Variants in RNF144B observed in about 807,000 individuals in gnomAD.
RNF144B encodes the protein E3 ubiquitin-protein ligase RNF144B.
Under a neutral mutation model 40.2 loss-of-function variants are expected in RNF144B, and 25 were observed. That is an observed-to-expected ratio of 0.62 (90% CI 0.45 to 0.87). The LOEUF (loss-of-function observed/expected upper bound fraction) is 0.87, where lower values mean the gene tolerates loss of function less well. Ranked by LOEUF, RNF144B falls within the 40% of genes least tolerant of loss-of-function variation. The pLI, the probability that RNF144B is intolerant of heterozygous loss-of-function variation, is 0.00. For synonymous variants in RNF144B, 145 were observed against 136.3 expected (o/e 1.06, Z -0.44); for missense variants, 365 against 373.7 (o/e 0.98, Z 0.19).
chr6:18,411,002 T>G (rs1476710780), intron 2 of RNF144B, among the ~76,000 whole-genome samples: 1 of 151,874 alleles, frequency 6.6e-6, no homozygotes, highest in Non-Finnish European at 1.5e-5. Flanking sequence ...TTCTTTTTTT[T>G]TGAGACGGAG....
In RNF144B at chr6:18,467,826, A is replaced by C. The variant is rs1759605685; in HGVS notation, c.*2759A>C. 1 of 152,148 alleles carries C rather than the reference A, an allele frequency of 6.6e-6. No individual in the cohort carries two copies. Among genetic ancestry groups the C allele is most frequent in the African/African-American group, 2.4e-5 (1 of 41,352 alleles). The allele number at this position is 152,148 out of a possible 1,614,324, so 9.4% of individuals were successfully genotyped here. ...TGGCTAAGTTTTGTATTTTTTGTAG[A>C]GATGGGGTTTCTCTGTGTTGCCCAG... On this transcript the variant is annotated 3_prime_UTR_variant, in exon 8 of 8. Coordinates refer to ENST00000259939, the MANE Select transcript of RNF144B (RefSeq NM_182757.4).
chr6:18,391,799 C>T lies in RNF144B; in HGVS notation c.-37+4169C>T, dbSNP rs539655371. On this transcript the variant is annotated intron_variant, in intron 1 of 7. Coordinates refer to ENST00000259939, the MANE Select transcript of RNF144B (RefSeq NM_182757.4). ...AGGAGGATGGCGTGAACCCAGGAGG[C>T]GGAGCTTGCAGTGAGCCGAGATCGG... Among the ~76,000 whole-genome samples the T allele has an allele frequency of 6.0e-5, 9 of 151,224 alleles. 1 individual carries two copies. The highest frequency in any genetic ancestry group is 2.6e-4 in the Admixed American group (4 of 15,196).
At position 18,390,706 on chromosome 6, in the gene RNF144B, G is replaced by A. The variant is rs1054507123; in HGVS notation, c.-37+3076G>A. On this transcript the variant is annotated intron_variant, in intron 1 of 7. Coordinates refer to ENST00000259939, the MANE Select transcript of RNF144B (RefSeq NM_182757.4). ...TTGGGAAGATAAAACAAGACAACTCGTTTCTGTCTGTTGAACTTGTGGCTG... is the reference window on the plus strand; with the variant it reads ...TTGGGAAGATAAAACAAGACAACTCATTTCTGTCTGTTGAACTTGTGGCTG... Among the ~76,000 whole-genome samples, 4 of 152,142 alleles carry A rather than the reference G, an allele frequency of 2.6e-5. No individual in the cohort carries two copies. The South Asian group carries it at 6.2e-4, about 24-fold the overall frequency.
In RNF144B at chr6:18,414,218, C is replaced by T. The variant is rs545084221; in HGVS notation, c.166-13363C>T. On this transcript the variant is annotated intron_variant, in intron 2 of 7. Coordinates refer to ENST00000259939, the MANE Select transcript of RNF144B (RefSeq NM_182757.4). This position sits in a 1 kb window ranked among gnomAD's most constrained non-coding sequence, Gnocchi z 4.9. ...TTCTAATAACCAACCTAGTCATTGT[C>T]CAACCTTTTCTACTTTTTCAGAGTT... Among the ~76,000 whole-genome samples, 6 of 152,220 alleles carry T rather than the reference C, an allele frequency of 3.9e-5. No homozygotes were observed. The highest frequency in any genetic ancestry group is 7.4e-5 in the Non-Finnish European group (5 of 68,006).
intron 2 of RNF144B, among the ~76,000 whole-genome samples, chr6:18,421,885 G>T (rs769704046): frequency 6.6e-6 from 1 of 152,042 alleles, no homozygotes; most frequent in Non-Finnish European, 1.5e-5. Context: ...TCAAACCAAG[G>T]TCTCTTTTAA....
At chr6:18,429,720 C>A (rs1311044942) in intron 3 of RNF144B, among the ~76,000 whole-genome samples, 1 of 152,072 alleles carries the variant, frequency 6.6e-6, no homozygotes, top group Non-Finnish European at 1.5e-5. Flanking sequence ...TAAAATGAGT[C>A]TTGGGTATTT....
rs1288131772 is a variant in RNF144B, at chr6:18,458,094, C to G, written c.536+735C>G. Among the ~76,000 whole-genome samples, 1 of 152,062 alleles carries G rather than the reference C, an allele frequency of 6.6e-6. No individual in the cohort carries two copies. Among genetic ancestry groups the G allele is most frequent in the Non-Finnish European group, 1.5e-5 (1 of 68,014 alleles). On this transcript the variant is annotated intron_variant, in intron 5 of 7. Transcript: ENST00000259939. This position sits in a 1 kb window ranked among gnomAD's most constrained non-coding sequence, Gnocchi z 4.8. ...CTGGGATTGCAGGCACTTGCCACCA[C>G]GCCTGGCTAATTTTTCTATTTTTAG... is the stretch of plus-strand genomic sequence containing the variant.
Position 18,419,762 on chromosome 6 carries a change from T to G in RNF144B, c.166-7819T>G, listed in dbSNP as rs985111634. Among the ~76,000 whole-genome samples, 7 of 151,966 alleles carry G rather than the reference T, an allele frequency of 4.6e-5. No individual in the cohort carries two copies. Among genetic ancestry groups the G allele is most frequent in the Admixed American group, 4.6e-4 (7 of 15,246 alleles). On this transcript the variant is annotated intron_variant, in intron 2 of 7. Transcript: ENST00000259939. The surrounding 1 kb of genome is among the most constrained non-coding windows in gnomAD (Gnocchi z 4.6). ...GACAACTCTTTCAAACATTTGATTGTGAAGAGTTGAGGAGTGAAGAAGGCA... is the reference window on the plus strand; with the variant it reads ...GACAACTCTTTCAAACATTTGATTGGGAAGAGTTGAGGAGTGAAGAAGGCA...
chr6:18,455,314 C>T (rs1007432283), intron 4 of RNF144B, among the ~76,000 whole-genome samples: 4 of 152,068 alleles, frequency 2.6e-5, no homozygotes, highest in Admixed American at 1.3e-4. Flanking sequence ...CTAGATAAGA[C>T]CATATATTTA....
At chr6:18,387,713 C>G (rs1465064731) in intron 1 of RNF144B, 83 bp downstream of exon 1, 1 of 1,145,290 alleles carries the variant, frequency 8.7e-7, no homozygotes, top group Admixed American at 2.8e-5. Flanking sequence ...GGACAGGAAA[C>G]TCACTGTGAC....
intron 3 of RNF144B, among the ~76,000 whole-genome samples, chr6:18,435,958 C>T (rs919795192): frequency 1.7e-4 from 26 of 151,768 alleles, no homozygotes; most frequent in African/African-American, 5.8e-4. Flanking sequence ...ACCAACATGG[C>T]ACATGTATAC....
In RNF144B at chr6:18,457,935, TTTTTG is replaced by T. The variant is rs1554182192; in HGVS notation, c.536+591_536+595del. Among the ~76,000 whole-genome samples, 1 of 151,944 alleles carries T rather than the reference TTTTTG, an allele frequency of 6.6e-6. No homozygotes were observed. The highest frequency in any genetic ancestry group is 6.6e-5 in the Admixed American group (1 of 15,266). On this transcript the variant is annotated intron_variant, in intron 5 of 7. Transcript: ENST00000259939. The surrounding 1 kb of genome is among the most constrained non-coding windows in gnomAD (Gnocchi z 5.1). ...GTACCTTTTTAGTACAGCGGGTTTT[TTTTTG>T]TTTTGTTTTGTTTTTGAGACAGAGT...
In RNF144B at chr6:18,425,323, A is replaced by C. The variant is rs543969722; in HGVS notation, c.166-2258A>C. On this transcript the variant is annotated intron_variant, in intron 2 of 7. Transcript: ENST00000259939. This position sits in a 1 kb window ranked among gnomAD's most constrained non-coding sequence, Gnocchi z 4.2. ...TTTCTTTAAGTGGCTGCTGGGGGTC[A>C]GTGGGAAGATCAAGGCAGTAACAAT... Among the ~76,000 whole-genome samples, 1 of 152,154 alleles carries C rather than the reference A, an allele frequency of 6.6e-6. No individual in the cohort carries two copies. The highest frequency in any genetic ancestry group is 6.6e-5 in the Admixed American group (1 of 15,264).
chr6:18,419,080 A>G lies in RNF144B; in HGVS notation c.166-8501A>G, dbSNP rs528934542. On this transcript the variant is annotated intron_variant, in intron 2 of 7. Coordinates refer to ENST00000259939, the MANE Select transcript of RNF144B (RefSeq NM_182757.4). The surrounding 1 kb of genome is among the most constrained non-coding windows in gnomAD (Gnocchi z 4.6). ...CAAGATCCACTGAATCAGAATCTGC[A>G]TTTTTGATGGGATCCTCAAATAACT... 6.6e-6 allele frequency among the ~76,000 whole-genome samples: 1 copy of G among 152,194 alleles called. No homozygotes were observed. Among genetic ancestry groups the G allele is most frequent in the Admixed American group, 6.5e-5 (1 of 15,270 alleles).
chr6:18,431,243 A>T (rs969899907), intron 3 of RNF144B, among the ~76,000 whole-genome samples: 9 of 116,332 alleles, frequency 7.7e-5, no homozygotes, highest in African/African-American at 2.2e-4. Context: ...AATAAAAAAT[A>T]AAAAAAAAAG....
At chr6:18,427,460 T>G in intron 2 of RNF144B, 121 bp from the exon 3 acceptor site, 1 of 600,682 alleles carries the variant, frequency 1.7e-6, no homozygotes, top group Non-Finnish European at 2.9e-6. Flanking sequence ...AACTTATGTT[T>G]CTTGAGTACA....
chr6:18,450,951 A>T lies in RNF144B; in HGVS notation c.332-6204A>T, dbSNP rs367911183. Among the ~76,000 whole-genome samples the T allele has an allele frequency of 1.2e-4, 19 of 152,206 alleles. No individual in the cohort carries two copies. The highest frequency in any genetic ancestry group is 4.6e-4 in the African/African-American group (19 of 41,534). On this transcript the variant is annotated intron_variant, in intron 4 of 7. Coordinates refer to ENST00000259939, the MANE Select transcript of RNF144B (RefSeq NM_182757.4). The surrounding 1 kb of genome is among the most constrained non-coding windows in gnomAD (Gnocchi z 4.7). Reference sequence around the variant, plus strand: ...TTTCCTGCTTTGTTTTATGATTAGGAGGGACTAGTTTTACCCCCCTGTTTT... The same window carrying T: ...TTTCCTGCTTTGTTTTATGATTAGGTGGGACTAGTTTTACCCCCCTGTTTT...
chr6:18,448,141 TTTTTGTTTTG>T lies in RNF144B; in HGVS notation c.331+8412_331+8421del, dbSNP rs914011550. The stretch of plus-strand genomic sequence containing the variant: ...ATATATTAACTCTTTCAAGGAGTGT[TTTTTGTTTTG>T]TTTTGTTTTGTTTTTTCTTGAAAGG... On this transcript the variant is annotated intron_variant, in intron 4 of 7. Coordinates refer to ENST00000259939, the MANE Select transcript of RNF144B (RefSeq NM_182757.4). This position sits in a 1 kb window ranked among gnomAD's most constrained non-coding sequence, Gnocchi z 4.0. 1.3e-5 allele frequency among the ~76,000 whole-genome samples: 2 copies of T among 151,972 alleles called. No homozygotes were observed. The highest frequency in any genetic ancestry group is 2.1e-4 in the South Asian group (1 of 4,806).
chr6:18,427,852 G>A (rs1236386228), intron 3 of RNF144B, among the ~76,000 whole-genome samples, 167 bp downstream of exon 3: 1 of 152,190 alleles, frequency 6.6e-6, no homozygotes, highest in African/African-American at 2.4e-5. Context: ...TATACAAACT[G>A]TTAAAGCTGT....
Sources: gnomAD v4.1 joint callset for allele counts (sites outside exome capture counted in the v4.1 genomes callset) on GRCh38, gnomAD v4.1.1 for gene constraint, Gnocchi (gnomAD v3.1) non-coding constraint, MANE v1.5 for transcripts, NCBI Gene and HGNC (gene_info 2026-07-23, HGNC 2026-07-21) for gene names.